LAMA2: variants seen among roughly 807,000 people sequenced by gnomAD.
The protein encoded by LAMA2 is laminin subunit alpha 2.
Under a neutral mutation model 364.8 loss-of-function variants are expected in LAMA2, and 269 were observed. The observed-to-expected ratio is 0.74, with a 90% confidence interval of 0.67 to 0.82. The LOEUF (loss-of-function observed/expected upper bound fraction) is 0.82. LAMA2 is among the 40% of genes least tolerant of loss of function. LAMA2 has a pLI of 0.00. For synonymous variants in LAMA2, 1,379 were observed against 1,370.6 expected (o/e 1.01, Z -0.14); for missense variants, 3,807 against 3,873.2 (o/e 0.98, Z 0.45).
intron 1 of LAMA2, among the ~76,000 whole-genome samples, chr6:129,008,885 A>G (rs954681771): frequency 1.3e-5 from 2 of 152,134 alleles, no homozygotes; most frequent in Non-Finnish European, 2.9e-5. Flanking sequence ...AGGGACCACA[A>G]ATACATATTG....
intron 12 of LAMA2, among the ~76,000 whole-genome samples, chr6:129,237,974 A>G (rs1785110114): frequency 6.8e-6 from 1 of 147,410 alleles, no homozygotes; most frequent in Admixed American, 7.0e-5. Flanking sequence ...CCTGGCCAAC[A>G]TGGTGAAACC....
chr6:129,017,315 T>G (rs80079631), intron 1 of LAMA2, among the ~76,000 whole-genome samples: 10 of 152,032 alleles, frequency 6.6e-5, no homozygotes, highest in Admixed American at 3.9e-4. Flanking sequence ...TTTTATGTAA[T>G]AAATGTTACT....
intron 12 of LAMA2, among the ~76,000 whole-genome samples, chr6:129,223,692 A>G (rs1193985674): frequency 6.6e-6 from 1 of 152,138 alleles, no homozygotes; most frequent in Non-Finnish European, 1.5e-5. Context: ...ATTCTGTTCC[A>G]TTGATCTACA....
chr6:129,034,052 G>A (rs948928394), intron 1 of LAMA2, among the ~76,000 whole-genome samples: 2 of 152,046 alleles, frequency 1.3e-5, no homozygotes, highest in South Asian at 4.2e-4. Flanking sequence ...TGAAAATGAT[G>A]TGACCAGAGA....
At chr6:129,166,756 G>C (rs1779765498) in intron 9 of LAMA2, among the ~76,000 whole-genome samples, 1 of 152,084 alleles carries the variant, frequency 6.6e-6, no homozygotes. Flanking sequence ...ATTCAGGAGA[G>C]ATACCACTAT....
At chr6:129,084,677 C>T (rs186817995) in intron 3 of LAMA2, among the ~76,000 whole-genome samples, 208 of 152,238 alleles carry the variant, frequency 1.4e-3, no homozygotes, top group Non-Finnish European at 2.2e-3. Flanking sequence ...ACAGTATTTA[C>T]TACCTGCTGT....
intron 6 of LAMA2, among the ~76,000 whole-genome samples, chr6:129,147,510 G>A (rs553869036): frequency 1.5e-4 from 23 of 151,934 alleles, no homozygotes; most frequent in Non-Finnish European, 3.1e-4. Flanking sequence ...GGTGGAGGGG[G>A]TGGAGTGGGT....
intron 48 of LAMA2, among the ~76,000 whole-genome samples, chr6:129,458,542 A>C (rs903935453): frequency 2.6e-5 from 4 of 151,962 alleles, no homozygotes; most frequent in Admixed American, 2.6e-4. Context: ...TTCAGGATGC[A>C]AGAAGAAGCA....
At chr6:129,453,155 A>T in intron 46 of LAMA2, 24 bp downstream of exon 46, 5 of 1,602,928 alleles carry the variant, frequency 3.1e-6, no homozygotes, top group Non-Finnish European at 4.3e-6. Context: ...TCAACTTTTC[A>T]TTAGGCTGCT....
chr6:129,448,162 A>G (rs555016323), intron 45 of LAMA2, among the ~76,000 whole-genome samples: 1 of 152,192 alleles, frequency 6.6e-6, no homozygotes, highest in East Asian at 1.9e-4. Flanking sequence ...GTACATGCCT[A>G]TAGTCCCAGC....
chr6:129,285,367 G>T (rs543634924), intron 18 of LAMA2, among the ~76,000 whole-genome samples: 2 of 152,086 alleles, frequency 1.3e-5, no homozygotes, highest in East Asian at 1.9e-4. Context: ...TACACGTCCT[G>T]CAAGAAAAAA....
intron 24 of LAMA2, among the ~76,000 whole-genome samples, chr6:129,315,004 T>TA (rs1056532095): frequency 3.3e-5 from 5 of 152,182 alleles, no homozygotes; most frequent in African/African-American, 1.2e-4. Flanking sequence ...GTAGTTCACT[T>TA]ATTGATAAGG....
chr6:129,500,687 GA>G (rs1047351218), intron 58 of LAMA2, among the ~76,000 whole-genome samples: 19 of 151,928 alleles, frequency 1.3e-4, no homozygotes, highest in African/African-American at 4.4e-4. Context: ...AGTATACAAC[GA>G]AACAACAACA....
intron 12 of LAMA2, among the ~76,000 whole-genome samples, chr6:129,238,003 C>CAAA (rs372294022): frequency 8.8e-5 from 11 of 125,380 alleles, no homozygotes; most frequent in South Asian, 2.5e-4. Context: ...ACTAAAAATA[C>CAAA]AAAAAAAAAA....
chr6:129,226,813 A>G (rs541563698), intron 12 of LAMA2, among the ~76,000 whole-genome samples: 214 of 151,732 alleles, frequency 1.4e-3, no homozygotes, highest in African/African-American at 4.7e-3. Context: ...ATGTGTCTTG[A>G]AGTTGCTCTT....
At chr6:129,400,238 C>G (rs1779893267) in intron 37 of LAMA2, among the ~76,000 whole-genome samples, 1 of 152,128 alleles carries the variant, frequency 6.6e-6, no homozygotes, top group Admixed American at 6.6e-5. Flanking sequence ...CTGGTCACCT[C>G]CAAAGGCCCC....
rs146171754 is a variant in LAMA2, at chr6:129,249,198, C to T, written c.1783-914C>T. On this transcript the variant is annotated intron_variant, in intron 12 of 64. Transcript: ENST00000421865. ...GAAAGGCCATAGAGAGCCAACCCTG[C>T]GAAGCCAAGTCTCTGCATGTCAGCA... 4.0e-3 allele frequency among the ~76,000 whole-genome samples: 608 copies of T among 152,144 alleles called. 3 individuals are homozygous for T. The highest frequency in any genetic ancestry group is 6.8e-3 in the Non-Finnish European group (460 of 67,994).
intron 4 of LAMA2, among the ~76,000 whole-genome samples, chr6:129,114,454 C>T (rs1390948477): frequency 2.0e-5 from 3 of 152,012 alleles, no homozygotes; most frequent in South Asian, 2.1e-4. Context: ...CCCATTGATA[C>T]GATTATAACT....
chr6:129,412,488 C>G (rs1003505707), intron 40 of LAMA2, among the ~76,000 whole-genome samples: 1 of 151,432 alleles, frequency 6.6e-6, no homozygotes, highest in African/African-American at 2.4e-5. Context: ...TCCAAACAAG[C>G]AGACAGAGAG....
Sources: allele counts gnomAD v4.1 joint callset (sites outside exome capture counted in the v4.1 genomes callset), GRCh38; gene constraint gnomAD v4.1.1; transcripts MANE v1.5; gene names NCBI Gene and HGNC (gene_info 2026-07-23, HGNC 2026-07-21).